The following TAB2 variants were observed in gnomAD, a reference collection of about 807,000 sequenced individuals.
TAB2 encodes TGF-beta activated kinase 1 (MAP3K7) binding protein 2.
In TAB2, 3 loss-of-function variants were observed where a neutral mutation model predicts 65.0. The observed-to-expected ratio is 0.05, with a 90% confidence interval of 0.02 to 0.12. The LOEUF (loss-of-function observed/expected upper bound fraction) is 0.12. Among genes scored for constraint, TAB2 ranks in the 10% least tolerant of loss-of-function variants. TAB2 has a pLI of 1.00. For synonymous variants in TAB2, 298 were observed against 285.1 expected, an observed-to-expected ratio of 1.05 and a Z score of -0.46; for missense variants, 623 against 840.3, an observed-to-expected ratio of 0.74 and a Z score of 3.20.
At chr6:149,278,973 G>T (rs1017447497) in intron 1 of TAB2, among the ~76,000 whole-genome samples, 2 of 152,126 alleles carry the variant, frequency 1.3e-5, no homozygotes, top group African/African-American at 4.8e-5. Context: ...TAAAGTTTCC[G>T]TGGACCCTAC....
At chr6:149,226,713 G>A (rs1320723610) in intron 1 of TAB2, among the ~76,000 whole-genome samples, 7 of 152,122 alleles carry the variant, frequency 4.6e-5, no homozygotes, top group Admixed American at 3.9e-4. Flanking sequence ...AAGATACTAG[G>A]TGCAAAAACA....
intron 1 of TAB2, chr6:149,320,910 T>C (rs907420916): frequency 1.4e-4 from 21 of 152,238 alleles, no homozygotes; most frequent in African/African-American, 4.6e-4. Context: ...GTTTCACTTA[T>C]GTCATCTTTA....
chr6:149,407,244 G>T (rs1259362032), intron 6 of TAB2, among the ~76,000 whole-genome samples: 1 of 152,092 alleles, frequency 6.6e-6, no homozygotes, highest in East Asian at 1.9e-4. Context: ...TATGCAAGAT[G>T]TGTTTTTCAG....
chr6:149,321,639 T>G (rs913646867), intron 1 of TAB2, among the ~76,000 whole-genome samples: 13 of 152,208 alleles, frequency 8.5e-5, no homozygotes, highest in Admixed American at 3.3e-4. Context: ...TGCGTTTCAC[T>G]TGGATTTTCA....
chr6:149,403,339 TAC>T (rs71010866), intron 6 of TAB2, among the ~76,000 whole-genome samples: 35,464 of 104,854 alleles, frequency 0.34, 6,485 homozygotes, highest in Middle Eastern at 0.44. Flanking sequence ...TACATATATA[TAC>T]ACACACACAC....
At chr6:149,339,942 T>G (rs1780063805) in intron 1 of TAB2, among the ~76,000 whole-genome samples, 1 of 152,198 alleles carries the variant, frequency 6.6e-6, no homozygotes, top group African/African-American at 2.4e-5. Context: ...TTACTGTATA[T>G]AAATGTAGGC....
intron 1 of TAB2, among the ~76,000 whole-genome samples, chr6:149,289,073 G>A (rs1778728059): frequency 6.6e-6 from 1 of 151,906 alleles, no homozygotes; most frequent in Non-Finnish European, 1.5e-5. Context: ...TGGAAAGACT[G>A]CTCTCAAACT....
chr6:149,267,990 C>G (rs1327751510), intron 1 of TAB2, among the ~76,000 whole-genome samples: 1 of 152,128 alleles, frequency 6.6e-6, no homozygotes. Flanking sequence ...TATCATCACC[C>G]AAAACAAAAT....
At chr6:149,402,897 T>C (rs946721120) in intron 6 of TAB2, among the ~76,000 whole-genome samples, 1 of 152,156 alleles carries the variant, frequency 6.6e-6, no homozygotes, top group African/African-American at 2.4e-5. Flanking sequence ...GTCATCTTAA[T>C]AGATGCTAAA....
upstream of TAB2, among the ~76,000 whole-genome samples, chr6:149,315,137 ATCTC>A (rs754885874): frequency 6.6e-6 from 1 of 152,232 alleles, no homozygotes; most frequent in Non-Finnish European, 1.5e-5. Context: ...AGGATCTATC[ATCTC>A]TCTATCTCAT....
chr6:149,238,104 G>A (rs1310106155), intron 1 of TAB2, among the ~76,000 whole-genome samples: 1 of 152,010 alleles, frequency 6.6e-6, no homozygotes, highest in Non-Finnish European at 1.5e-5. Flanking sequence ...TTTTCCTGGG[G>A]AGAGATCTTT....
chr6:149,316,204 T>C (rs1322982606), upstream of TAB2, among the ~76,000 whole-genome samples: 1 of 152,246 alleles, frequency 6.6e-6, no homozygotes, highest in African/African-American at 2.4e-5. Context: ...CTTCTCTTAA[T>C]GGTATCACCA....
intron 2 of TAB2, among the ~76,000 whole-genome samples, chr6:149,376,890 C>CA (rs771532140): frequency 2.7e-4 from 41 of 149,262 alleles, no homozygotes; most frequent in Non-Finnish European, 5.5e-4. Flanking sequence ...TGAGGTTCCC[C>CA]CCCCCCACTC....
intron 1 of TAB2, among the ~76,000 whole-genome samples, chr6:149,298,268 A>T (rs1222629216): frequency 6.6e-6 from 1 of 150,590 alleles, no homozygotes; most frequent in Non-Finnish European, 1.5e-5. Context: ...TATAGTTTTT[A>T]AATCATTAGA....
chr6:149,390,322 G>A (rs1781940996), intron 3 of TAB2, among the ~76,000 whole-genome samples: 1 of 152,144 alleles, frequency 6.6e-6, no homozygotes, highest in South Asian at 2.1e-4. Flanking sequence ...CCAGAAGTAA[G>A]TACCTATTAG....
At chr6:149,238,189 G>A (rs759042747) in intron 1 of TAB2, among the ~76,000 whole-genome samples, 33 of 152,178 alleles carry the variant, frequency 2.2e-4, no homozygotes, top group Non-Finnish European at 3.1e-4. Flanking sequence ...CCCAGTCTGC[G>A]TGTCCAGTGA....
At chr6:149,334,752 G>A (rs1779884294) in intron 1 of TAB2, among the ~76,000 whole-genome samples, 1 of 152,006 alleles carries the variant, frequency 6.6e-6, no homozygotes, top group Non-Finnish European at 1.5e-5. Flanking sequence ...TGATTGCCCA[G>A]ATAACACATA....
At position 149,232,416 on chromosome 6, in the gene TAB2, C is replaced by T. The variant is rs141782105; in HGVS notation, c.-121+13640C>T. 1.1e-3 allele frequency among the ~76,000 whole-genome samples: 163 copies of T among 152,138 alleles called. 1 individual carries two copies. The highest frequency in any genetic ancestry group is 3.5e-3 in the African/African-American group (144 of 41,506). ...CTAATTTTTGTATTTTTAGTAGAGA[C>T]GGGGTTTCACCATTTTGCCAGGCTG... On this transcript the variant is annotated intron_variant, in intron 1 of 1. Transcript: ENST00000606202.
intron 1 of TAB2, chr6:149,245,357 T>G (rs1379700667): frequency 6.6e-6 from 1 of 152,186 alleles, no homozygotes; most frequent in Non-Finnish European, 1.5e-5. Flanking sequence ...GCTGTTTATT[T>G]CTCCCAAAGA....
Sources: gnomAD v4.1 joint callset for allele counts (sites outside exome capture counted in the v4.1 genomes callset) on GRCh38, gnomAD v4.1.1 for gene constraint, MANE v1.5 for transcripts, NCBI Gene and HGNC (gene_info 2026-07-23, HGNC 2026-07-21) for gene names.